Variants in PSD3 observed in about 807,000 individuals in gnomAD.
The protein encoded by PSD3 is pleckstrin and Sec7 domain containing 3.
Under a neutral mutation model 105.5 loss-of-function variants are expected in PSD3, and 49 were observed. That is an observed-to-expected ratio of 0.46 (90% confidence interval 0.37 to 0.59). The LOEUF (loss-of-function observed/expected upper bound fraction) is 0.59. Ranked by LOEUF, PSD3 falls within the 20% of genes least tolerant of loss-of-function variation. The pLI is 0.00. For synonymous variants in PSD3, 557 were observed against 457.8 expected (o/e 1.22, Z -2.77); for missense variants, 1,561 against 1,263.8 (o/e 1.24, Z -3.57).
intron 11 of PSD3, among the ~76,000 whole-genome samples, chr8:18,620,460 A>G (rs1806033500): frequency 6.6e-6 from 1 of 151,600 alleles, no homozygotes; most frequent in Non-Finnish European, 1.5e-5. Flanking sequence ...CTGTAATCCC[A>G]GCACTTTGGG....
intron 2 of PSD3, among the ~76,000 whole-genome samples, chr8:18,929,119 T>A (rs1424289048): frequency 1.3e-5 from 2 of 152,174 alleles, no homozygotes; most frequent in African/African-American, 4.8e-5. Flanking sequence ...TGTATCTCAA[T>A]AAAGTTATTT....
chr8:18,541,864 C>T (rs1365347626), intron 15 of PSD3, among the ~76,000 whole-genome samples: 19 of 151,918 alleles, frequency 1.3e-4, no homozygotes, highest in African/African-American at 4.3e-4. Context: ...CATTCTCCTG[C>T]CTCAGCCTCC....
intron 1 of PSD3, among the ~76,000 whole-genome samples, chr8:18,984,164 A>C (rs971425992): frequency 2.0e-5 from 3 of 150,814 alleles, no homozygotes; most frequent in Admixed American, 2.0e-4. Context: ...GACTTGCTCC[A>C]CACAAAGTTG....
chr8:18,704,166 G>A (rs1801753807), intron 9 of PSD3, among the ~76,000 whole-genome samples: 1 of 152,052 alleles, frequency 6.6e-6, no homozygotes, highest in South Asian at 2.1e-4. Flanking sequence ...CAACTAAAGG[G>A]TAAGAAAAAT....
chr8:18,750,925 T>C lies in PSD3; in HGVS notation c.2172+14524A>G, dbSNP rs376684857. Among the ~76,000 whole-genome samples the C allele has an allele frequency of 5.5e-4, 83 of 152,052 alleles. 1 individual carries two copies. The East Asian group carries it at 0.012, about 21-fold the overall frequency. ...GACTGGTGTATTTACAATCCCTGAG[T>C]TAGACATAAAGACTCTCCACCTCCC... On this transcript the variant is annotated intron_variant, in intron 9 of 15. Transcript: ENST00000327040.
intron 12 of PSD3, among the ~76,000 whole-genome samples, chr8:18,583,115 C>T (rs1022484475): frequency 2.6e-5 from 4 of 152,074 alleles, no homozygotes; most frequent in Admixed American, 1.3e-4. Context: ...CGTGAGCCAC[C>T]GCATCTGACC....
intron 9 of PSD3, among the ~76,000 whole-genome samples, chr8:18,690,637 C>T (rs1800922144): frequency 6.6e-6 from 1 of 152,180 alleles, no homozygotes; most frequent in Non-Finnish European, 1.5e-5. Context: ...CACCAGAACC[C>T]TGCTGCCATG....
chr8:18,992,377 G>C (rs550535798), intron 1 of PSD3, among the ~76,000 whole-genome samples: 1 of 152,106 alleles, frequency 6.6e-6, no homozygotes, highest in African/African-American at 2.4e-5. Flanking sequence ...CACAGTAAAA[G>C]CTAATGACCC....
intron 1 of PSD3, among the ~76,000 whole-genome samples, chr8:19,004,886 T>C (rs913325060): frequency 2.0e-5 from 3 of 152,046 alleles, no homozygotes; most frequent in African/African-American, 2.4e-5. Flanking sequence ...CTGCCATACA[T>C]GTAAGACATG....
At chr8:19,078,803 G>A (rs1829545099) in intron 1 of PSD3, among the ~76,000 whole-genome samples, 1 of 151,712 alleles carries the variant, frequency 6.6e-6, no homozygotes, top group African/African-American at 2.4e-5. Flanking sequence ...TGGGAGTGGT[G>A]CTGGTCAAAT....
At chr8:18,862,693 A>G (rs1276825217) in intron 4 of PSD3, among the ~76,000 whole-genome samples, 1 of 151,730 alleles carries the variant, frequency 6.6e-6, no homozygotes, top group Non-Finnish European at 1.5e-5. Context: ...TATATATTAT[A>G]TTAAAGTGAC....
At chr8:18,846,948 C>T (rs979116941) in intron 4 of PSD3, among the ~76,000 whole-genome samples, 3 of 152,092 alleles carry the variant, frequency 2.0e-5, no homozygotes, top group African/African-American at 7.2e-5. Context: ...ACCAGGAAAA[C>T]CCCAGGCCCC....
chr8:18,882,598 A>T (rs1818178755), intron 2 of PSD3, among the ~76,000 whole-genome samples: 2 of 152,138 alleles, frequency 1.3e-5, no homozygotes, highest in African/African-American at 4.8e-5. Flanking sequence ...ATTCAGCATG[A>T]TCCTACATGA....
chr8:18,891,290 T>A (rs1297297454), intron 2 of PSD3, among the ~76,000 whole-genome samples: 2 of 152,188 alleles, frequency 1.3e-5, no homozygotes, highest in Non-Finnish European at 2.9e-5. Flanking sequence ...TATAATATTT[T>A]ATTATGTTAA....
intron 9 of PSD3, among the ~76,000 whole-genome samples, chr8:18,759,397 G>A (rs1806329083): frequency 6.6e-6 from 1 of 152,016 alleles, no homozygotes; most frequent in African/African-American, 2.4e-5. Context: ...TTCAAGGTAT[G>A]TTTTTAAACA....
At chr8:19,054,941 G>A (rs1324633590) in intron 1 of PSD3, among the ~76,000 whole-genome samples, 1 of 152,130 alleles carries the variant, frequency 6.6e-6, no homozygotes, top group Non-Finnish European at 1.5e-5. Flanking sequence ...AACTTCTAGT[G>A]CTCACCTGGG....
At chr8:18,866,728 C>A (rs1222847716) in intron 4 of PSD3, among the ~76,000 whole-genome samples, 1 of 151,272 alleles carries the variant, frequency 6.6e-6, no homozygotes, top group Non-Finnish European at 1.5e-5. Context: ...CAGCACAGGG[C>A]AGACTGCTCA....
intron 1 of PSD3, among the ~76,000 whole-genome samples, chr8:19,044,819 G>A (rs1308686834): frequency 6.6e-6 from 1 of 152,156 alleles, no homozygotes; most frequent in Non-Finnish European, 1.5e-5. Context: ...TGGAGAGACG[G>A]GAAAGATTGT....
At chr8:19,000,520 GTC>G (rs10571860) in intron 1 of PSD3, 105,874 of 151,338 alleles carry the variant, frequency 0.7, 37,873 homozygotes, top group East Asian at 0.91. Flanking sequence ...TCTATCAGAA[GTC>G]TCTGCCAGAA....
Sources: allele counts gnomAD v4.1 joint callset (sites outside exome capture counted in the v4.1 genomes callset), GRCh38; gene constraint gnomAD v4.1.1; transcripts MANE v1.5; gene names NCBI Gene and HGNC (gene_info 2026-07-23, HGNC 2026-07-21).